CCDC186: variants seen among roughly 807,000 people sequenced by gnomAD.
CCDC186 encodes coiled-coil domain-containing protein 186.
Under a neutral mutation model 113.7 loss-of-function variants are expected in CCDC186, and 49 were observed. That is an observed-to-expected ratio of 0.43 (90% confidence interval 0.34 to 0.55). The LOEUF (loss-of-function observed/expected upper bound fraction) is 0.55, where lower values mean the gene tolerates loss of function less well. CCDC186 is among the 20% of genes least tolerant of loss of function. CCDC186 has a pLI of 0.02. For missense variants in CCDC186, 890 were observed against 1,011.1 expected (o/e 0.88, Z 1.62); for synonymous variants, 355 against 345.8 (o/e 1.03, Z -0.30).
chr10:114,173,179 C>G, intron 1 of CCDC186: 1 of 455,944 alleles, frequency 2.2e-6, no homozygotes, highest in South Asian at 1.5e-5. Flanking sequence ...ATTCTCTCTT[C>G]TGATTTCCAC....
intron 3 of CCDC186, among the ~76,000 whole-genome samples, chr10:114,151,501 T>C (rs552496800): frequency 2.6e-5 from 4 of 152,348 alleles, no homozygotes; most frequent in South Asian, 2.1e-4. Flanking sequence ...CTTCACTTTC[T>C]ATGGTTTCAG....
At chr10:114,164,102 G>GTA (rs1554930661) in intron 1 of CCDC186, among the ~76,000 whole-genome samples, 59 of 101,124 alleles carry the variant, frequency 5.8e-4, no homozygotes, top group Non-Finnish European at 8.9e-4. Flanking sequence ...GTGTGTGTGT[G>GTA]TATATATATA....
chr10:114,141,700 A>G (rs2119754310), intron 6 of CCDC186, among the ~76,000 whole-genome samples: 1 of 152,174 alleles, frequency 6.6e-6, no homozygotes, highest in Middle Eastern at 3.4e-3. Flanking sequence ...TAGTCAGCTG[A>G]AGACTTGAAG....
intron 6 of CCDC186, among the ~76,000 whole-genome samples, chr10:114,141,980 T>A (rs1414127184): frequency 6.6e-6 from 1 of 152,236 alleles, no homozygotes; most frequent in Non-Finnish European, 1.5e-5. Context: ...ATTTGGACCT[T>A]GTTATTCCAT....
chr10:114,133,097 T>C (rs573805647), intron 10 of CCDC186, among the ~76,000 whole-genome samples: 52 of 152,268 alleles, frequency 3.4e-4, no homozygotes, highest in Admixed American at 9.8e-4. Context: ...ATACTAACCA[T>C]AGTGTGGAAA....
chr10:114,134,039 T>C (rs529318034), intron 10 of CCDC186, among the ~76,000 whole-genome samples: 2 of 152,272 alleles, frequency 1.3e-5, no homozygotes, highest in Admixed American at 6.5e-5. Context: ...ATAGCGGAAG[T>C]AGAAAGACTA....
At chr10:114,158,700 T>C (rs1000761023) in intron 2 of CCDC186, among the ~76,000 whole-genome samples, 1 of 152,118 alleles carries the variant, frequency 6.6e-6, no homozygotes, top group African/African-American at 2.4e-5. Flanking sequence ...CCTTTGTCTC[T>C]AAAAATAAAA....
At chr10:114,169,470 T>G (rs968612672) in intron 1 of CCDC186, among the ~76,000 whole-genome samples, 1 of 152,012 alleles carries the variant, frequency 6.6e-6, no homozygotes. Flanking sequence ...CTGGAACTCC[T>G]GACCTCAAGC....
intron 6 of CCDC186, among the ~76,000 whole-genome samples, chr10:114,140,558 G>A (rs2031434551): frequency 6.6e-6 from 1 of 152,206 alleles, no homozygotes; most frequent in Non-Finnish European, 1.5e-5. Flanking sequence ...GTTGCCTTAA[G>A]TCGTTCAAGA....
At chr10:114,155,859 A>G (rs1338530441) in intron 3 of CCDC186, among the ~76,000 whole-genome samples, 3 of 152,194 alleles carry the variant, frequency 2.0e-5, no homozygotes, top group Non-Finnish European at 2.9e-5. Context: ...GCACCTCTCA[A>G]TTTAGACTAG....
chr10:114,144,701 C>T (rs2031582802), intron 5 of CCDC186, 85 bp from the exon 6 acceptor site: 3 of 1,207,860 alleles, frequency 2.5e-6, no homozygotes, highest in African/African-American at 1.5e-5. Flanking sequence ...GTAATCAGTC[C>T]AGTAACACTA....
At chr10:114,127,817 T>TCTGGTTTCTGAATATA (rs1344579940) in intron 13 of CCDC186, 146 bp from the exon 14 acceptor site, 31 of 732,796 alleles carry the variant, frequency 4.2e-5, no homozygotes. Flanking sequence ...TGGCTGAGGT[T>TCTGGTTTCTGAATATA]CTGGTTTCTG....
intron 1 of CCDC186, among the ~76,000 whole-genome samples, chr10:114,170,706 T>C (rs2032468571): frequency 6.6e-6 from 1 of 152,168 alleles, no homozygotes; most frequent in Non-Finnish European, 1.5e-5. Flanking sequence ...TTTGAAAAGT[T>C]TGTTTTATGA....
chr10:114,127,698 T>C lies in CCDC186; in HGVS notation c.2183-27A>G. 4 of 1,583,452 alleles carry C rather than the reference T, an allele frequency of 2.5e-6. No individual in the cohort carries two copies. The South Asian group carries it at 4.5e-5, about 18-fold the overall frequency. On this transcript the variant is annotated intron_variant, in intron 13 of 15. Coordinates refer to ENST00000369287, the MANE Select transcript of CCDC186 (RefSeq NM_018017.4). ...TGAAGACAAAAAAAATTGGTTTAGA[T>C]ACTGTGCTTAATCTAACATCACCTC...
chr10:114,167,413 A>G (rs1359663597), intron 1 of CCDC186, among the ~76,000 whole-genome samples: 1 of 152,186 alleles, frequency 6.6e-6, no homozygotes, highest in East Asian at 1.9e-4. Context: ...CAAGAGTGGT[A>G]GCAGATGGGG....
chr10:114,151,045 G>C (rs200174763), intron 4 of CCDC186, 47 bp downstream of exon 4: 2 of 1,599,224 alleles, frequency 1.3e-6, no homozygotes, highest in Non-Finnish European at 1.7e-6. Flanking sequence ...TAACAAACAA[G>C]AGTCACCAGA....
At chr10:114,166,043 G>A (rs1434173114) in intron 1 of CCDC186, 8 of 482,638 alleles carry the variant, frequency 1.7e-5, no homozygotes, top group Non-Finnish European at 1.9e-5. Flanking sequence ...TGGCGGCAAA[G>A]TTACATCGGA....
intron 3 of CCDC186, among the ~76,000 whole-genome samples, chr10:114,156,269 A>G (rs2032008036): frequency 6.6e-6 from 1 of 152,260 alleles, no homozygotes; most frequent in African/African-American, 2.4e-5. Flanking sequence ...TTTTCATTAT[A>G]TAACTTTCTT....
chr10:114,164,228 C>A (rs983503802), intron 1 of CCDC186, among the ~76,000 whole-genome samples: 1 of 145,710 alleles, frequency 6.9e-6, no homozygotes, highest in African/African-American at 2.5e-5. Flanking sequence ...TCCAGCAATT[C>A]TCCTGCCTCA....
Sources: allele counts gnomAD v4.1 joint callset (sites outside exome capture counted in the v4.1 genomes callset), GRCh38; gene constraint gnomAD v4.1.1; transcripts MANE v1.5; gene names NCBI Gene and HGNC (gene_info 2026-07-23, HGNC 2026-07-21).